NCLN: variants seen among roughly 807,000 people sequenced by gnomAD.
The protein encoded by NCLN is BOS complex subunit NCLN.
NCLN carries 34 observed loss-of-function variants against 69.5 expected under a neutral mutation model. That is an observed-to-expected ratio of 0.49 (90% confidence interval 0.37 to 0.65). The LOEUF is 0.65. Ranked by LOEUF, NCLN falls within the 30% of genes least tolerant of loss-of-function variation. The pLI, the probability that NCLN is intolerant of heterozygous loss-of-function variation, is 0.00. For synonymous variants in NCLN, 393 were observed against 358.3 expected (o/e 1.10, Z -1.09); for missense variants, 710 against 804.8 (o/e 0.88, Z 1.42).
chr19:3,202,565 C>T (rs1206833655), intron 6 of NCLN, among the ~76,000 whole-genome samples: 1 of 152,210 alleles, frequency 6.6e-6, no homozygotes, highest in Non-Finnish European at 1.5e-5. Context: ...GTCAGCAGCT[C>T]AGAGAGGCCA....
Position 3,193,260 on chromosome 19 carries a change from C to T in NCLN, c.376-24C>T, listed in dbSNP as rs1255176592. On this transcript the variant is annotated intron_variant, in intron 2 of 14. Coordinates refer to ENST00000246117, the MANE Select transcript of NCLN (RefSeq NM_020170.4). ...GCCACCCCCACCAGGCCAGCAGCCC[C>T]CTAAGTGTGTGTCTGCTCCACAGCA... The T allele has an allele frequency of 4.4e-6, 7 of 1,598,904 alleles. No homozygotes were observed. In the Admixed American group the frequency reaches 5.1e-5, roughly 12 times the overall value.
At position 3,196,242 on chromosome 19, in the gene NCLN, A is replaced by G; in HGVS notation, c.580A>G (p.Lys194Glu). ...GATGGTCACCAGCGGGGTACAGAGC[A>G]AGGCCGTGAGTGACTGGCTGATTGC... ...FQMVTSGVQS[K>E]AVSDWLIASV... is the part of the protein sequence containing the mutation. Residue 194 changes from lysine (K) to glutamate (E), a missense_variant, in exon 4 of 15, where the codon AAG (lysine) becomes GAG (glutamate). Coordinates refer to ENST00000246117, the MANE Select transcript of NCLN (RefSeq NM_020170.4). 1 of 1,554,360 alleles carries G rather than the reference A, an allele frequency of 6.4e-7. No homozygotes were observed. The highest frequency in any genetic ancestry group is 1.2e-5 in the South Asian group (1 of 84,358).
intron 1 of NCLN, among the ~76,000 whole-genome samples, chr19:3,191,460 C>T (rs1915824648): frequency 6.6e-6 from 1 of 152,184 alleles, no homozygotes; most frequent in Admixed American, 6.5e-5. Context: ...AGCCTTCTGC[C>T]ACCCCAGCCC....
chr19:3,191,491 C>A (rs948313121), intron 1 of NCLN, among the ~76,000 whole-genome samples: 1 of 152,176 alleles, frequency 6.6e-6, no homozygotes, highest in African/African-American at 2.4e-5. Context: ...AGAAAGCTTA[C>A]GTGTCCAAGG....
intron 5 of NCLN, among the ~76,000 whole-genome samples, chr19:3,199,744 A>G (rs1916075656): frequency 8.5e-6 from 1 of 118,334 alleles, no homozygotes. Context: ...TCTGTCCCCC[A>G]GGCTGGAGTG....
intron 7 of NCLN, 57 bp downstream of exon 7, chr19:3,203,901 C>T (rs573657258): frequency 1.9e-4 from 302 of 1,589,160 alleles, no homozygotes; most frequent in Non-Finnish European, 2.4e-4. Flanking sequence ...TGGGGAGGCA[C>T]GGAGGCCCAG....
chr19:3,201,155 A>G (rs1236243224), intron 5 of NCLN, among the ~76,000 whole-genome samples: 1 of 152,232 alleles, frequency 6.6e-6, no homozygotes, highest in Admixed American at 6.5e-5. Context: ...CCAGGGCTGG[A>G]CAGATGCTGC....
In NCLN at chr19:3,199,315, C is replaced by T. The variant is rs2144909333; in HGVS notation, c.696+418C>T. ...GGGGAGGCCAGTCCTGGCTTCCAGGCCCTCTCCCTGTGTGTCACGTGGAAC... is the reference window on the plus strand; with the variant it reads ...GGGGAGGCCAGTCCTGGCTTCCAGGTCCTCTCCCTGTGTGTCACGTGGAAC... On this transcript the variant is annotated intron_variant, in intron 5 of 14. Transcript: ENST00000246117. Among the ~76,000 whole-genome samples the T allele has an allele frequency of 1.3e-5, 2 of 152,378 alleles. 1 individual carries two copies. The highest frequency in any genetic ancestry group is 4.1e-4 in the South Asian group (2 of 4,830).
rs1916299170 is a variant in NCLN, at chr19:3,207,416, C to G, written c.1579C>G (p.Leu527Val). 6.2e-7 allele frequency: 1 copy of G among 1,613,034 alleles called. No individual in the cohort carries two copies. Reference sequence around the variant, plus strand: ...AGTCAAGCCGGCCGTCTTTGACCTGCTCCTGGCTGTTGGCATTGCTGCCTA... The same window carrying G: ...AGTCAAGCCGGCCGTCTTTGACCTGGTCCTGGCTGTTGGCATTGCTGCCTA... ...YRVKPAVFDLLLAVGIAAYLG... is the reference protein window; with the variant it reads ...YRVKPAVFDLVLAVGIAAYLG... Residue 527 changes from leucine to valine, a missense_variant, in exon 14 of 15, where the codon CTC (leucine) becomes GTC (valine). Physicochemically the swap from Leu to Val is conservative, Grantham distance 32. Transcript: ENST00000246117.
chr19:3,189,225 G>A (rs1915749159), intron 1 of NCLN, among the ~76,000 whole-genome samples: 1 of 152,124 alleles, frequency 6.6e-6, no homozygotes, highest in Admixed American at 6.5e-5. Flanking sequence ...ACAGCAGGTG[G>A]GGCTCGTTGA....
Position 3,195,741 on chromosome 19 carries a change from T to C in NCLN, c.521-442T>C, listed in dbSNP as rs187904376. ...GGGAGGTAGAGGCTGCAGTGAGCCA[T>C]GTTTGCGTCACTGTACTCCAGCCTG... On this transcript the variant is annotated intron_variant, in intron 3 of 14. Coordinates refer to ENST00000246117, the MANE Select transcript of NCLN (RefSeq NM_020170.4). 2.3e-4 allele frequency among the ~76,000 whole-genome samples: 35 copies of C among 152,012 alleles called. No individual in the cohort carries two copies. In the East Asian group the frequency reaches 6.0e-3, roughly 26 times the overall value.
In NCLN at chr19:3,208,570, C is replaced by T. The variant is rs1216173376; in HGVS notation, c.*882C>T. 3 of 152,484 alleles carry T rather than the reference C, an allele frequency of 2.0e-5. No individual in the cohort carries two copies. Among genetic ancestry groups the T allele is most frequent in the Non-Finnish European group, 4.4e-5 (3 of 68,220 alleles). The allele number at this position is 152,484 out of a possible 1,614,324, so 9.4% of individuals were successfully genotyped here. On this transcript the variant is annotated 3_prime_UTR_variant, in exon 15 of 15. Transcript: ENST00000246117. ...GAGCCAGTGCCTGGTGTTTCCTGGG[C>T]TCGGTACTGGGCCCCCAGGCCATCC...
chr19:3,206,199 G>C lies in NCLN; in HGVS notation c.1335+9G>C. 1 of 1,461,140 alleles carries C rather than the reference G, an allele frequency of 6.8e-7. No homozygotes were observed. Among genetic ancestry groups the C allele is most frequent in the Non-Finnish European group, 9.1e-7 (1 of 1,103,988 alleles). The allele number at this position is 1,461,140 out of a possible 1,614,324, so 90.5% of individuals were successfully genotyped here. The stretch of plus-strand genomic sequence containing the variant: ...TGTTCACAGAGCAGATGGTAAGGGG[G>C]CCAGGCCAGTGGGTGGGTGGGTGGG... On this transcript the variant is annotated intron_variant, in intron 11 of 14. Transcript: ENST00000246117.
chr19:3,194,585 A>G (rs531545513), intron 3 of NCLN, among the ~76,000 whole-genome samples: 1 of 152,356 alleles, frequency 6.6e-6, no homozygotes, highest in South Asian at 2.1e-4. Context: ...CCAGCCTGCA[A>G]AGCCGAAAGT....
intron 12 of NCLN, 64 bp downstream of exon 12, chr19:3,206,489 C>T (rs1324672343): frequency 1.1e-5 from 16 of 1,488,854 alleles, no homozygotes; most frequent in Non-Finnish European, 1.3e-5. Flanking sequence ...CCCCCTACTG[C>T]ATCTCCCACC....
At chr19:3,187,210 C>T in intron 1 of NCLN, among the ~76,000 whole-genome samples, 1 of 152,234 alleles carries the variant, frequency 6.6e-6, no homozygotes, top group East Asian at 1.9e-4. Context: ...AGCCTCGCCC[C>T]CTCCCGTCGT....
At chr19:3,196,840 A>T (rs1357114548) in intron 4 of NCLN, among the ~76,000 whole-genome samples, 1 of 152,174 alleles carries the variant, frequency 6.6e-6, no homozygotes, top group Non-Finnish European at 1.5e-5. Context: ...GGAAGCACCC[A>T]CCGACTCCTC....
intron 1 of NCLN, among the ~76,000 whole-genome samples, chr19:3,188,683 T>G (rs374312791): frequency 7.3e-4 from 111 of 152,340 alleles, no homozygotes; most frequent in African/African-American, 2.6e-3. Flanking sequence ...TTTCTCCTAG[T>G]GAGGAAGCTG....
At chr19:3,193,129 T>C (rs980666997) in intron 2 of NCLN, among the ~76,000 whole-genome samples, 155 bp from the exon 3 acceptor site, 1 of 141,238 alleles carries the variant, frequency 7.1e-6, no homozygotes, top group African/African-American at 2.7e-5. Flanking sequence ...AGGGCCTGCC[T>C]GCCCTCCAGG....
Sources: allele counts gnomAD v4.1 joint callset (sites outside exome capture counted in the v4.1 genomes callset), GRCh38; gene constraint gnomAD v4.1.1; transcripts MANE v1.5; gene names NCBI Gene and HGNC (gene_info 2026-07-23, HGNC 2026-07-21).